The following LONRF1 variants were observed in gnomAD, a reference collection of about 807,000 sequenced individuals.
LONRF1 encodes the protein LON peptidase N-terminal domain and RING finger protein 1.
A neutral mutation model predicts 85.8 loss-of-function variants in LONRF1; 37 were observed. The ratio of observed to expected loss-of-function variants is 0.43; its 90% confidence interval spans 0.33 to 0.57. The LOEUF (loss-of-function observed/expected upper bound fraction) is 0.57. LONRF1 is among the 20% of genes least tolerant of loss of function. The pLI, the probability that LONRF1 is intolerant of heterozygous loss-of-function variation, is 0.04. For synonymous variants in LONRF1, 517 were observed against 390.1 expected (o/e 1.33, Z -3.83); for missense variants, 1,036 against 978.0 (o/e 1.06, Z -0.79).
At chr8:12,735,256 CAACA>C in intron 7 of LONRF1, 26 bp downstream of exon 7, 6 of 1,458,956 alleles carry the variant, frequency 4.1e-6, no homozygotes, top group African/African-American at 1.4e-5. Context: ...AACTTAAGAC[CAACA>C]AACAGACACA....
intron 1 of LONRF1, 151 bp downstream of exon 1, chr8:12,754,549 C>A (rs1213961944): frequency 4.4e-6 from 4 of 913,810 alleles, no homozygotes; most frequent in African/African-American, 1.7e-5. Flanking sequence ...CCTCCCACAC[C>A]CCCCAGCACC....
chr8:12,726,652 A>C (rs1335174405), intron 10 of LONRF1, among the ~76,000 whole-genome samples: 1 of 152,204 alleles, frequency 6.6e-6, no homozygotes, highest in Non-Finnish European at 1.5e-5. Flanking sequence ...TCTTTAATGC[A>C]CACTTACATC....
chr8:12,734,227 A>C (rs1468962497), intron 7 of LONRF1, among the ~76,000 whole-genome samples: 3 of 142,940 alleles, frequency 2.1e-5, no homozygotes, highest in Non-Finnish European at 4.6e-5. Flanking sequence ...ATGTTTCCTG[A>C]CTTTGAGAAA....
At chr8:12,734,007 A>G (rs1203168335) in intron 7 of LONRF1, among the ~76,000 whole-genome samples, 2 of 152,186 alleles carry the variant, frequency 1.3e-5, no homozygotes, top group Non-Finnish European at 2.9e-5. Flanking sequence ...ATCCCTAATC[A>G]AAGCAATAGA....
At position 12,741,977 on chromosome 8, in the gene LONRF1, T is replaced by C. The variant is rs186956918; in HGVS notation, c.841-981A>G. Among the ~76,000 whole-genome samples, 43 of 152,312 alleles carry C rather than the reference T, an allele frequency of 2.8e-4. No homozygotes were observed. The East Asian group carries it at 5.6e-3, about 20-fold the overall frequency. On this transcript the variant is annotated intron_variant, in intron 2 of 11. Transcript: ENST00000398246. ...TTTAAATGTTCCTTGCTTATGTGAT[T>C]AGAATGAAACAGATTCTTAGTATTA...
intron 4 of LONRF1, chr8:12,737,455 C>T (rs940611145): frequency 6.4e-6 from 3 of 471,596 alleles, no homozygotes; most frequent in African/African-American, 2.0e-5. Flanking sequence ...CAACTATTTA[C>T]ATAGTATTTA....
chr8:12,742,472 C>G (rs546576719), intron 2 of LONRF1, among the ~76,000 whole-genome samples: 1 of 152,306 alleles, frequency 6.6e-6, no homozygotes, highest in South Asian at 2.1e-4. Context: ...TGAATTAAAT[C>G]ACTGCCTAAT....
Position 12,731,723 on chromosome 8 carries a change from A to C in LONRF1, c.1688+13T>G. ...GTAGTAGTTCATAATTTTTTTTATG[A>C]GAAGAAACTTACTGTGAGAGTTCAG... is the stretch of plus-strand genomic sequence containing the variant. On this transcript the variant is annotated intron_variant, in intron 8 of 11. Coordinates refer to ENST00000398246, the MANE Select transcript of LONRF1 (RefSeq NM_152271.5). 1.2e-6 allele frequency: 2 copies of C among 1,602,844 alleles called. No individual in the cohort carries two copies. Among genetic ancestry groups the C allele is most frequent in the Non-Finnish European group, 1.7e-6 (2 of 1,175,792 alleles).
chr8:12,738,151 G>A lies in LONRF1; in HGVS notation c.964-7C>T. 1 of 1,489,714 alleles carries A rather than the reference G, an allele frequency of 6.7e-7. No individual in the cohort carries two copies. The highest frequency in any genetic ancestry group is 9.1e-7 in the Non-Finnish European group (1 of 1,095,428). The allele number at this position is 1,489,714 out of a possible 1,614,324, so 92.3% of individuals were successfully genotyped here. ...ATAATAAATCACATAAAATCTGTAA[G>A]AGAAATATTAAAAGTAGTAGAAAAT... On this transcript the variant is annotated splice_polypyrimidine_tract_variant and splice_region_variant and intron_variant, in intron 3 of 11. Transcript: ENST00000398246.
chr8:12,734,793 C>T (rs1199301275), intron 7 of LONRF1, among the ~76,000 whole-genome samples: 1 of 152,132 alleles, frequency 6.6e-6, no homozygotes, highest in Non-Finnish European at 1.5e-5. Flanking sequence ...GTGACACTAA[C>T]CATATTTAAA....
chr8:12,743,411 A>G lies in LONRF1; in HGVS notation c.722-129T>C, dbSNP rs1019331960. The G allele has an allele frequency of 2.0e-5, 13 of 643,200 alleles. No homozygotes were observed. The Admixed American group carries it at 4.0e-4, about 20-fold the overall frequency. 39.8% of individuals were successfully genotyped at this position (643,200 alleles called of 1,614,324 possible). A position where few individuals can be genotyped will look rare whatever the true frequency, so the allele number is the denominator to read the frequency against. ...GTTAATAATCACCAAACTAAAGTCTATAAGCCAAAGGCAGTATAGGCACAA... is the reference window on the plus strand; with the variant it reads ...GTTAATAATCACCAAACTAAAGTCTGTAAGCCAAAGGCAGTATAGGCACAA... On this transcript the variant is annotated intron_variant, in intron 1 of 11. Transcript: ENST00000398246.
chr8:12,750,653 C>G (rs193226675), intron 1 of LONRF1, among the ~76,000 whole-genome samples: 2 of 152,180 alleles, frequency 1.3e-5, no homozygotes, highest in African/African-American at 4.8e-5. Flanking sequence ...TAAAAACCCT[C>G]TACATTTTCT....
Position 12,738,036 on chromosome 8 carries a change from T to A in LONRF1, c.1072A>T (p.Met358Leu). 2.5e-6 allele frequency: 4 copies of A among 1,610,726 alleles called. No individual in the cohort carries two copies. Among genetic ancestry groups the A allele is most frequent in the Middle Eastern group, 1.7e-4 (1 of 6,048 alleles). ...KNRPFDFHSV[M>L]EESQSLNEPS... is the part of the protein sequence containing the mutation. The stretch of plus-strand genomic sequence containing the variant: ...TCATTGAGAGACTGAGACTCTTCCA[T>A]CACTGAATGAAAATCAAAAGGTCTG... Residue 358 changes from methionine to leucine, a missense_variant, in exon 4 of 12, where the codon ATG (methionine) becomes TTG (leucine). Around this residue, in one of 3 missense-constraint regions of LONRF1, gnomAD observed 742 missense variants for 614.4 expected, o/e 1.21. Transcript: ENST00000398246.
intron 9 of LONRF1, 51 bp from the exon 10 acceptor site, chr8:12,729,114 T>G (rs772578007): frequency 1.2e-6 from 2 of 1,612,090 alleles, no homozygotes; most frequent in Admixed American, 1.7e-5. Context: ...ACATGCAAGT[T>G]CTCATCCATA....
At chr8:12,730,827 A>T (rs1798500421) in intron 8 of LONRF1, among the ~76,000 whole-genome samples, 1 of 152,198 alleles carries the variant, frequency 6.6e-6, no homozygotes, top group East Asian at 1.9e-4. Flanking sequence ...TGATGGGCAC[A>T]TGTTGATAAA....
intron 10 of LONRF1, among the ~76,000 whole-genome samples, chr8:12,727,843 G>C (rs1370899450): frequency 6.6e-6 from 1 of 152,170 alleles, no homozygotes; most frequent in Non-Finnish European, 1.5e-5. Context: ...TTTATAATAA[G>C]ATAGGACTGC....
At position 12,738,387 on chromosome 8, in the gene LONRF1, G is replaced by A. The variant is rs1397412967; in HGVS notation, c.964-243C>T. 4.6e-5 allele frequency among the ~76,000 whole-genome samples: 7 copies of A among 152,100 alleles called. No homozygotes were observed. In the East Asian group the frequency reaches 1.2e-3, roughly 25 times the overall value. On this transcript the variant is annotated intron_variant, in intron 3 of 11. Transcript: ENST00000398246. ...ACTTTGAAAGGAAAGCATGGGAGTA[G>A]TAAGACTCAGGATAAAGGCTGATCT...
At chr8:12,737,416 G>A in intron 4 of LONRF1, 1 of 597,636 alleles carries the variant, frequency 1.7e-6, no homozygotes, top group Non-Finnish European at 3.1e-6. Flanking sequence ...CTTTTTTCTT[G>A]TCATTATTCC....
chr8:12,730,164 C>T (rs773087116), intron 8 of LONRF1, among the ~76,000 whole-genome samples: 10 of 152,164 alleles, frequency 6.6e-5, no homozygotes, highest in African/African-American at 2.2e-4. Context: ...AATTATGGTA[C>T]ATCCATAAAA....
Sources: allele counts gnomAD v4.1 joint callset (sites outside exome capture counted in the v4.1 genomes callset), GRCh38; gene constraint gnomAD v4.1.1; regional missense constraint gnomAD v4.1.1; transcripts MANE v1.5; gene names NCBI Gene and HGNC (gene_info 2026-07-23, HGNC 2026-07-21).